LCMT1: variants seen among roughly 807,000 people sequenced by gnomAD.
LCMT1 encodes [Phosphatase 2A protein]-leucine-carboxy methyltransferase 1.
LCMT1 carries 32 observed loss-of-function variants against 47.7 expected under a neutral mutation model. The observed-to-expected ratio is 0.67, with a 90% CI of 0.51 to 0.90. The LOEUF (loss-of-function observed/expected upper bound fraction) is 0.90. Ranked by LOEUF, LCMT1 falls within the 40% of genes least tolerant of loss-of-function variation. The pLI is 0.00. For synonymous variants in LCMT1, 152 were observed against 149.7 expected (o/e 1.02, Z -0.11); for missense variants, 375 against 415.2 (o/e 0.90, Z 0.84).
At chr16:25,136,496 G>A (rs1353404140) in intron 3 of LCMT1, among the ~76,000 whole-genome samples, 1 of 150,840 alleles carries the variant, frequency 6.6e-6, no homozygotes, top group Non-Finnish European at 1.5e-5. Context: ...AAGTTCTGGG[G>A]TACATGTGCA....
chr16:25,147,850 C>T (rs949235140), intron 4 of LCMT1: 5 of 152,282 alleles, frequency 3.3e-5, no homozygotes, highest in African/African-American at 9.6e-5. Flanking sequence ...CCCCCACACC[C>T]GGCTCATTTT....
At chr16:25,130,455 C>T (rs1004153148) in intron 2 of LCMT1, among the ~76,000 whole-genome samples, 1 of 151,818 alleles carries the variant, frequency 6.6e-6, no homozygotes, top group Admixed American at 6.6e-5. Flanking sequence ...AGTTCAAGAC[C>T]AGCCTGGGCA....
rs1962018318 is a variant in LCMT1, at chr16:25,178,206, TA to T, written c.*186del. 1 of 581,022 alleles carries T rather than the reference TA, an allele frequency of 1.7e-6. No homozygotes were observed. 36.0% of individuals were successfully genotyped at this position (581,022 alleles called of 1,614,324 possible). On this transcript the variant is annotated 3_prime_UTR_variant, in exon 11 of 11. Transcript: ENST00000399069. ...CTGTTCCTGTTGACATGTCGTTGTT[TA>T]AATAAATCTCACTTGCCACCAGTCG...
chr16:25,149,340 C>T (rs1173376314), intron 4 of LCMT1, among the ~76,000 whole-genome samples: 1 of 152,100 alleles, frequency 6.6e-6, no homozygotes, highest in Non-Finnish European at 1.5e-5. Flanking sequence ...GATTGGACAC[C>T]CCTGCTGTAA....
intron 6 of LCMT1, 151 bp from the exon 7 acceptor site, chr16:25,164,447 G>A (rs1405324495): frequency 1.1e-5 from 8 of 755,886 alleles, no homozygotes; most frequent in African/African-American, 1.1e-4. Flanking sequence ...TATTCCACAT[G>A]TATTCCTGTC....
At chr16:25,151,792 C>G (rs277885) in intron 5 of LCMT1, among the ~76,000 whole-genome samples, 177 bp downstream of exon 5, 34,490 of 151,552 alleles carry the variant, frequency 0.23, 4,050 homozygotes, top group East Asian at 0.34. Flanking sequence ...AGCTTGCTTT[C>G]TCAGACAGGG....
At chr16:25,176,880 T>C (rs1961961276) in intron 10 of LCMT1, among the ~76,000 whole-genome samples, 2 of 151,318 alleles carry the variant, frequency 1.3e-5, no homozygotes, top group Admixed American at 1.3e-4. Flanking sequence ...CCTTTTGGAT[T>C]TAAAGTCATT....
intron 5 of LCMT1, 81 bp downstream of exon 5, chr16:25,151,696 G>GTGT: frequency 1.7e-6 from 1 of 600,594 alleles, no homozygotes; most frequent in Non-Finnish European, 3.0e-6. Flanking sequence ...GTTTGTGTTG[G>GTGT]GTGTGTGTGT....
rs1374729745 is a variant in LCMT1, at chr16:25,111,893, A to G, written c.10A>G (p.Arg4Gly). 1.2e-6 allele frequency: 2 copies of G among 1,610,888 alleles called. No homozygotes were observed. Among genetic ancestry groups the G allele is most frequent in the African/African-American group, 1.3e-5 (1 of 74,966 alleles). The change falls in exon 1 of 11, where the codon AGG (arginine) becomes GGG (glycine). Residue 4 changes from arginine (R) to glycine (G), a missense_variant. Transcript: ENST00000399069. ...AGGAACCTCCACGCCCATGGCCACT[A>G]GGCAGAGGGAATCCTCTATCACCTC... MAT[R>G]QRESSITSCC...
intron 3 of LCMT1, 186 bp from the exon 4 acceptor site, chr16:25,139,985 T>A: frequency 1.8e-6 from 1 of 570,682 alleles, no homozygotes. Flanking sequence ...ACTTTTTACC[T>A]TCATCTGTGC....
chr16:25,140,481 C>T, intron 4 of LCMT1: 1 of 493,288 alleles, frequency 2.0e-6, no homozygotes, highest in East Asian at 3.1e-5. Flanking sequence ...CATGTAATTA[C>T]AATTAACACG....
At position 25,128,553 on chromosome 16, in the gene LCMT1, T is replaced by A; in HGVS notation, c.192T>A (p.Pro64=). 6.2e-7 allele frequency: 1 copy of A among 1,601,374 alleles called. No individual in the cohort carries two copies. The change falls in exon 2 of 11, where the codon CCT becomes CCA. Residue 64 remains proline, a synonymous_variant. Coordinates refer to ENST00000399069, the MANE Select transcript of LCMT1 (RefSeq NM_016309.3). ...FVRLSKERKA[P]EINRGYFARV... is the part of the protein sequence containing the mutation. ...GACTGTCTAAAGAGAGGAAAGCCCC[T>A]GAAATCAACAGAGGCAAGTGACCAT...
intron 6 of LCMT1, among the ~76,000 whole-genome samples, chr16:25,163,401 G>A (rs1167710584): frequency 6.6e-6 from 1 of 151,116 alleles, no homozygotes; most frequent in Non-Finnish European, 1.5e-5. Context: ...CCCAGGAGGC[G>A]GAAGTTGCAG....
chr16:25,132,649 C>A, intron 3 of LCMT1, 126 bp downstream of exon 3: 1 of 1,001,032 alleles, frequency 1.0e-6, no homozygotes, highest in Non-Finnish European at 1.4e-6. Context: ...ACCCCTGTCC[C>A]ATCTGCCTAG....
At chr16:25,158,709 C>G (rs1164728592) in intron 5 of LCMT1, 1 of 152,234 alleles carries the variant, frequency 6.6e-6, no homozygotes, top group East Asian at 1.9e-4. Flanking sequence ...CTGTCCTCCA[C>G]AAATACATTC....
chr16:25,117,742 A>G (rs535086033), intron 1 of LCMT1, among the ~76,000 whole-genome samples: 1 of 151,866 alleles, frequency 6.6e-6, no homozygotes, highest in South Asian at 2.1e-4. Flanking sequence ...AATCTCAGCT[A>G]TTGGGAGGCT....
chr16:25,136,471 CTTTTTT>C (rs796407666), intron 3 of LCMT1, among the ~76,000 whole-genome samples: 2 of 144,704 alleles, frequency 1.4e-5, no homozygotes, highest in Non-Finnish European at 3.1e-5. Flanking sequence ...AACAGGATAT[CTTTTTT>C]TTTTTTTTAA....
intron 7 of LCMT1, 21 bp downstream of exon 7, chr16:25,164,739 A>G: frequency 6.2e-7 from 1 of 1,613,882 alleles, no homozygotes; most frequent in Non-Finnish European, 8.5e-7. Flanking sequence ...GCACAGGAGA[A>G]CTGGATTCCA....
chr16:25,131,926 C>A (rs1035947403), intron 2 of LCMT1, among the ~76,000 whole-genome samples: 1 of 152,174 alleles, frequency 6.6e-6, no homozygotes, highest in Non-Finnish European at 1.5e-5. Flanking sequence ...TAGAGACTAA[C>A]CCATTCAGGG....
Sources: gnomAD v4.1 joint callset for allele counts (sites outside exome capture counted in the v4.1 genomes callset) on GRCh38, gnomAD v4.1.1 for gene constraint, MANE v1.5 for transcripts, NCBI Gene and HGNC (gene_info 2026-07-23, HGNC 2026-07-21) for gene names.